Variants in NACC1 observed in about 807,000 individuals in gnomAD.
NACC1 encodes the protein nucleus accumbens-associated protein 1.
In NACC1, 6 loss-of-function variants were observed where a neutral mutation model predicts 41.7. That is an observed-to-expected ratio of 0.14 (90% CI 0.08 to 0.28). NACC1 has a LOEUF of 0.28. Among genes scored for constraint, NACC1 ranks in the 10% least tolerant of loss-of-function variants. The probability of loss-of-function intolerance (pLI) is 1.00; values close to 1 mark genes in which losing one functional copy is unlikely to be tolerated. For missense variants in NACC1, 434 were observed against 763.7 expected, an observed-to-expected ratio of 0.57 and a Z score of 5.09; for synonymous variants, 338 against 330.6, an observed-to-expected ratio of 1.02 and a Z score of -0.24.
Position 13,137,662 on chromosome 19 carries a change from G to A in NACC1, c.1324+87G>A. On this transcript the variant is annotated intron_variant, in intron 5 of 5. Coordinates refer to ENST00000292431, the MANE Select transcript of NACC1 (RefSeq NM_052876.4). The surrounding 1 kb of genome is among the most constrained non-coding windows in gnomAD (Gnocchi z 6.1). ...CAGCCTTGGCTCTCAGAGAGGGCTA[G>A]AGTTCAGTGTTGAGAAGCATTCTGG... is the stretch of plus-strand genomic sequence containing the variant. The A allele has an allele frequency of 8.8e-7, 1 of 1,134,142 alleles. No homozygotes were observed. Among genetic ancestry groups the A allele is most frequent in the East Asian group, 2.6e-5 (1 of 38,962 alleles). 70.3% of individuals were successfully genotyped at this position (1,134,142 alleles called of 1,614,324 possible). A position where few individuals can be genotyped will look rare whatever the true frequency, so the allele number is the denominator to read the frequency against.
chr19:13,118,050 G>C (rs557859864), upstream of NACC1: 8 of 152,338 alleles, frequency 5.3e-5, no homozygotes, highest in East Asian at 1.5e-3. Flanking sequence ...ACTAGAAGGT[G>C]GCGGGGCCAG....
intron 1 of NACC1, among the ~76,000 whole-genome samples, chr19:13,123,057 G>C (rs963869672): frequency 2.0e-5 from 3 of 152,252 alleles, no homozygotes; most frequent in Non-Finnish European, 4.4e-5. Flanking sequence ...AGGGATTTGA[G>C]CCTAGTACAA....
chr19:13,129,945 G>A (rs2019612469), intron 1 of NACC1, among the ~76,000 whole-genome samples: 1 of 152,022 alleles, frequency 6.6e-6, no homozygotes, highest in Admixed American at 6.6e-5. Context: ...TGTGGCCGGT[G>A]CTGGGTGCTT....
Position 13,140,820 on chromosome 19 carries a change from G to A in NACC1, c.*2414G>A, listed in dbSNP as rs1336615505. On this transcript the variant is annotated 3_prime_UTR_variant, in exon 6 of 6. Transcript: ENST00000292431. The surrounding 1 kb of genome is among the most constrained non-coding windows in gnomAD (Gnocchi z 4.0). ...CTTCCTCCCCTGCCCTGAGCTGCAT[G>A]GTTCCCCCACCCTGGGCAGCCAGGA... 1.3e-5 allele frequency: 2 copies of A among 152,476 alleles called. No individual in the cohort carries two copies. The highest frequency in any genetic ancestry group is 2.9e-5 in the Non-Finnish European group (2 of 68,142). 9.4% of individuals were successfully genotyped at this position (152,476 alleles called of 1,614,324 possible). A position where few individuals can be genotyped will look rare whatever the true frequency, so the allele number is the denominator to read the frequency against.
At chr19:13,120,205 C>A (rs978590967) in intron 1 of NACC1, among the ~76,000 whole-genome samples, 1 of 152,124 alleles carries the variant, frequency 6.6e-6, no homozygotes, top group Non-Finnish European at 1.5e-5. Flanking sequence ...TTCCCCATTT[C>A]CCTCCTGGGA....
At position 13,138,512 on chromosome 19, in the gene NACC1, G is replaced by T. The variant is rs2019739462; in HGVS notation, c.*106G>T. Reference sequence around the variant, plus strand: ...CTGTCCCTCCCCAGGACCCGCGGTGGGTGCTGCATGTTCCCGGCCCTCTGC... The same window carrying T: ...CTGTCCCTCCCCAGGACCCGCGGTGTGTGCTGCATGTTCCCGGCCCTCTGC... On this transcript the variant is annotated 3_prime_UTR_variant, in exon 6 of 6. Coordinates refer to ENST00000292431, the MANE Select transcript of NACC1 (RefSeq NM_052876.4). The surrounding 1 kb of genome is among the most constrained non-coding windows in gnomAD (Gnocchi z 5.7). 4.1e-6 allele frequency: 6 copies of T among 1,479,752 alleles called. No individual in the cohort carries two copies. The highest frequency in any genetic ancestry group is 4.5e-6 in the Non-Finnish European group (5 of 1,104,336). The allele number at this position is 1,479,752 out of a possible 1,614,324, so 91.7% of individuals were successfully genotyped here.
Position 13,136,390 on chromosome 19 carries a change from C to G in NACC1, c.1105C>G (p.Leu369Val). ...CGACGAGGGCGACCCCTCTGAGAAG[C>G]TGGAGCTGGTGACAGGTGGGCCGGT... ...LYDEGDPSEK[L>V]ELVTGTNVYI... Residue 369 changes from leucine to valine, a missense_variant, in exon 3 of 6, where the codon CTG becomes GTG. This residue lies in a region of NACC1 where 70 missense variants were observed against 206.9 expected (regional missense o/e 0.34). Transcript: ENST00000292431. This position sits in a 1 kb window ranked among gnomAD's most constrained non-coding sequence, Gnocchi z 5.5. 6.2e-7 allele frequency: 1 copy of G among 1,613,122 alleles called. No homozygotes were observed. Among genetic ancestry groups the G allele is most frequent in the African/African-American group, 1.3e-5 (1 of 75,032 alleles).
At position 13,137,473 on chromosome 19, in the gene NACC1, C is replaced by T; in HGVS notation, c.1227-5C>T. ...GCTGACTCCCTCCATGTCCCCTGCC[C>T]CCAGGAACACGCTGGCCAACAGCTG... On this transcript the variant is annotated splice_region_variant and splice_polypyrimidine_tract_variant and intron_variant, in intron 4 of 5. Transcript: ENST00000292431. The surrounding 1 kb of genome is among the most constrained non-coding windows in gnomAD (Gnocchi z 6.1). 5.0e-6 allele frequency: 8 copies of T among 1,606,970 alleles called. No homozygotes were observed. In the South Asian group the frequency reaches 5.5e-5, roughly 11 times the overall value.
At chr19:13,124,290 C>T (rs1180375037) in intron 1 of NACC1, among the ~76,000 whole-genome samples, 1 of 152,108 alleles carries the variant, frequency 6.6e-6, no homozygotes. Context: ...ATCCTAGCTA[C>T]TCAGGAGGCG....
At chr19:13,120,649 G>A (rs1328731919) in intron 1 of NACC1, among the ~76,000 whole-genome samples, 1 of 152,224 alleles carries the variant, frequency 6.6e-6, no homozygotes, top group East Asian at 1.9e-4. Context: ...TTCCTGGCTG[G>A]TTGGGCCAGG....
At position 13,138,236 on chromosome 19, in the gene NACC1, C is replaced by T; in HGVS notation, c.1414C>T (p.Arg472Cys). The T allele has an allele frequency of 6.2e-7, 1 of 1,614,222 alleles. No homozygotes were observed. Among genetic ancestry groups the T allele is most frequent in the Non-Finnish European group, 8.5e-7 (1 of 1,180,030 alleles). ...DMCTNARRVV[R>C]KSWMPKVKVL... ...GTGCACCAACGCCCGCCGCGTCGTG[C>T]GCAAGAGCTGGATGCCCAAGGTCAA... Residue 472 changes from arginine (R) to cysteine (C), a missense_variant, in exon 6 of 6, where the codon CGC (arginine) becomes TGC (cysteine). Physicochemically the swap from Arg to Cys is radical, Grantham distance 180. Transcript: ENST00000292431. The surrounding 1 kb of genome is among the most constrained non-coding windows in gnomAD (Gnocchi z 5.7).
chr19:13,127,371 C>CTTTTTTTTTTTTTTTTTTTTTTTTTTTTT (rs147514422), intron 1 of NACC1, among the ~76,000 whole-genome samples: 1 of 28,508 alleles, frequency 3.5e-5, no homozygotes, highest in African/African-American at 1.3e-4. Context: ...TATACATATA[C>CTTTTTTTTTTTTTTTTTTTTTTTTTTTTT]TTTTTTTTTT....
At chr19:13,131,205 G>A (rs895742893) in intron 1 of NACC1, among the ~76,000 whole-genome samples, 9 of 152,200 alleles carry the variant, frequency 5.9e-5, no homozygotes, top group African/African-American at 2.2e-4. Flanking sequence ...CCACAAAGGA[G>A]GATGCAGTTC....
Position 13,138,407 on chromosome 19 carries a change from C to T in NACC1, c.*1C>T, listed in dbSNP as rs2019737347. ...TCCCTCGGCTGAAGCCCTGCAGTAA[C>T]CCGCCCAGCCTCCCGCGGGGCCACA... On this transcript the variant is annotated 3_prime_UTR_variant, in exon 6 of 6. Coordinates refer to ENST00000292431, the MANE Select transcript of NACC1 (RefSeq NM_052876.4). The surrounding 1 kb of genome is among the most constrained non-coding windows in gnomAD (Gnocchi z 5.7). The T allele has an allele frequency of 6.2e-7, 1 of 1,609,300 alleles. No homozygotes were observed. Among genetic ancestry groups the T allele is most frequent in the South Asian group, 1.1e-5 (1 of 91,064 alleles).
rs2019529415 is a variant in NACC1, at chr19:13,123,819, G to A, written c.-9+5365G>A. Among the ~76,000 whole-genome samples the A allele has an allele frequency of 4.6e-5, 7 of 152,268 alleles. No individual in the cohort carries two copies. In the South Asian group the frequency reaches 1.0e-3, roughly 23 times the overall value. ...TTTTTGCCTGATTCGGGAGCCAGAC[G>A]GCCTGGGTATAAACCTGTGCCTGCC... is the stretch of plus-strand genomic sequence containing the variant. On this transcript the variant is annotated intron_variant, in intron 1 of 5. Transcript: ENST00000292431.
At position 13,137,628 on chromosome 19, in the gene NACC1, GT is replaced by G. The variant is rs1568386547; in HGVS notation, c.1324+59del. 6.9e-6 allele frequency: 10 copies of G among 1,458,458 alleles called. No individual in the cohort carries two copies. The Admixed American group carries it at 1.6e-4, about 24-fold the overall frequency. 90.3% of individuals were successfully genotyped at this position (1,458,458 alleles called of 1,614,324 possible). ...GTGGGCCCGGGGCACGCAGGTTGAC[GT>G]TTTTTCCCAGCCTTGGCTCTCAGAG... On this transcript the variant is annotated intron_variant, in intron 5 of 5. Coordinates refer to ENST00000292431, the MANE Select transcript of NACC1 (RefSeq NM_052876.4). The surrounding 1 kb of genome is among the most constrained non-coding windows in gnomAD (Gnocchi z 6.1).
chr19:13,126,571 G>C (rs576018937), intron 1 of NACC1, among the ~76,000 whole-genome samples: 1 of 152,160 alleles, frequency 6.6e-6, no homozygotes, highest in Non-Finnish European at 1.5e-5. Context: ...CTACTCCCAG[G>C]AATCATCCTG....
chr19:13,138,036 A>G lies in NACC1; in HGVS notation c.1325-111A>G. ...TGTGGTGTCCTGGCCGCGTGGCCTC[A>G]CTCGTTTCCCCTTTGAGAGGGAGTC... On this transcript the variant is annotated intron_variant, in intron 5 of 5. Coordinates refer to ENST00000292431, the MANE Select transcript of NACC1 (RefSeq NM_052876.4). The surrounding 1 kb of genome is among the most constrained non-coding windows in gnomAD (Gnocchi z 5.7). The G allele has an allele frequency of 1.3e-6, 2 of 1,501,690 alleles. No individual in the cohort carries two copies. The highest frequency in any genetic ancestry group is 2.4e-4 in the Middle Eastern group (1 of 4,092). 93.0% of individuals were successfully genotyped at this position (1,501,690 alleles called of 1,614,324 possible).
intron 1 of NACC1, among the ~76,000 whole-genome samples, chr19:13,118,943 C>T (rs534032744): frequency 6.6e-6 from 1 of 151,636 alleles, no homozygotes; most frequent in Non-Finnish European, 1.5e-5. Context: ...AAGTTACAGG[C>T]CTGGGGGCGG....
Sources: gnomAD v4.1 joint callset for allele counts (sites outside exome capture counted in the v4.1 genomes callset) on GRCh38, gnomAD v4.1.1 for gene constraint, gnomAD v4.1.1 regional missense constraint, Gnocchi (gnomAD v3.1) non-coding constraint, MANE v1.5 for transcripts, NCBI Gene and HGNC (gene_info 2026-07-23, HGNC 2026-07-21) for gene names.